The following RPS6KA2 variants were observed in gnomAD, a reference collection of about 807,000 sequenced individuals.
RPS6KA2 encodes the protein ribosomal protein S6 kinase alpha-2.
In RPS6KA2, 42 loss-of-function variants were observed where a neutral mutation model predicts 91.8. The observed-to-expected ratio is 0.46, with a 90% confidence interval of 0.36 to 0.59. The LOEUF (loss-of-function observed/expected upper bound fraction) is 0.59. RPS6KA2 is among the 20% of genes least tolerant of loss of function. RPS6KA2 has a pLI of 0.00. For synonymous variants in RPS6KA2, 414 were observed against 393.6 expected, an observed-to-expected ratio of 1.05 and a Z score of -0.61; for missense variants, 798 against 978.5, an observed-to-expected ratio of 0.82 and a Z score of 2.46.
At chr6:166,457,152 C>T (rs1043082127) in intron 12 of RPS6KA2, among the ~76,000 whole-genome samples, 7 of 152,204 alleles carry the variant, frequency 4.6e-5, no homozygotes, top group Admixed American at 6.5e-5. Context: ...GATGTGTGCA[C>T]GTTCTGTTAG....
chr6:166,661,856 G>A (rs1247348837), intron 2 of RPS6KA2, among the ~76,000 whole-genome samples: 1 of 152,120 alleles, frequency 6.6e-6, no homozygotes, highest in African/African-American at 2.4e-5. Context: ...CCATCTGGAA[G>A]TTGTTTTCGA....
chr6:166,759,634 T>C (rs755695951), intron 2 of RPS6KA2, among the ~76,000 whole-genome samples: 5 of 152,264 alleles, frequency 3.3e-5, no homozygotes, highest in Non-Finnish European at 7.3e-5. Flanking sequence ...CCCAGTTCTA[T>C]TTCTTTTCTC....
intron 1 of RPS6KA2, among the ~76,000 whole-genome samples, chr6:166,566,346 AG>A (rs766621343): frequency 6.6e-6 from 1 of 152,228 alleles, no homozygotes; most frequent in Non-Finnish European, 1.5e-5. Flanking sequence ...TCACAGGCGT[AG>A]GCAGTGTATC....
At chr6:166,649,871 A>G (rs1178373922) in intron 2 of RPS6KA2, among the ~76,000 whole-genome samples, 1 of 152,216 alleles carries the variant, frequency 6.6e-6, no homozygotes, top group Non-Finnish European at 1.5e-5. Flanking sequence ...TCTTTCTGCG[A>G]ACTTTCATTA....
chr6:166,539,889 A>G (rs1187644743), intron 1 of RPS6KA2, among the ~76,000 whole-genome samples: 1 of 152,214 alleles, frequency 6.6e-6, no homozygotes, highest in African/African-American at 2.4e-5. Context: ...ATACATTCGT[A>G]CACCCCTTTC....
chr6:166,489,800 C>T (rs947895852), intron 9 of RPS6KA2, among the ~76,000 whole-genome samples: 2 of 151,992 alleles, frequency 1.3e-5, no homozygotes, highest in African/African-American at 4.8e-5. Flanking sequence ...ACATAAGGAC[C>T]GAGCTTACAA....
At chr6:166,487,660 C>G (rs112534807) in intron 10 of RPS6KA2, among the ~76,000 whole-genome samples, 9 of 152,188 alleles carry the variant, frequency 5.9e-5, no homozygotes, top group African/African-American at 1.7e-4. Context: ...TGATAAAAAT[C>G]TGGATTAGAA....
At chr6:166,536,729 G>C (rs1783492354) in intron 2 of RPS6KA2, among the ~76,000 whole-genome samples, 1 of 152,084 alleles carries the variant, frequency 6.6e-6, no homozygotes, top group East Asian at 1.9e-4. Flanking sequence ...GTAATCCCTG[G>C]AGGTCAGACA....
chr6:166,650,941 T>G (rs1370859379), intron 2 of RPS6KA2, among the ~76,000 whole-genome samples: 5 of 152,168 alleles, frequency 3.3e-5, no homozygotes, highest in Non-Finnish European at 5.9e-5. Context: ...AATAGATCAC[T>G]TTTTAAAATT....
chr6:166,487,409 C>T (rs758442626), intron 10 of RPS6KA2, among the ~76,000 whole-genome samples: 1 of 152,138 alleles, frequency 6.6e-6, no homozygotes, highest in Non-Finnish European at 1.5e-5. Flanking sequence ...TAGCCACGCT[C>T]GGCATGCAGA....
intron 1 of RPS6KA2, among the ~76,000 whole-genome samples, chr6:166,617,449 G>C (rs1196259948): frequency 6.6e-6 from 1 of 152,158 alleles, no homozygotes; most frequent in Non-Finnish European, 1.5e-5. Context: ...TGTGAGCCTA[G>C]ATTAGACATT....
chr6:166,686,610 T>C (rs6906202), intron 2 of RPS6KA2, among the ~76,000 whole-genome samples: 53,534 of 152,056 alleles, frequency 0.35, 11,205 homozygotes, highest in African/African-American at 0.59. Context: ...CCCCGAATTC[T>C]CCACCCCTCA....
At position 166,508,109 on chromosome 6, in the gene RPS6KA2, G is replaced by A. The variant is rs752186144; in HGVS notation, c.459+94C>T. 3.3e-5 allele frequency: 25 copies of A among 763,356 alleles called. No homozygotes were observed. Among genetic ancestry groups the A allele is most frequent in the Non-Finnish European group, 5.2e-5 (23 of 440,902 alleles). The allele number at this position is 763,356 out of a possible 1,614,324, so 47.3% of individuals were successfully genotyped here. On this transcript the variant is annotated intron_variant, in intron 5 of 20. Coordinates refer to ENST00000265678, the MANE Select transcript of RPS6KA2 (RefSeq NM_021135.6). This position sits in a 1 kb window ranked among gnomAD's most constrained non-coding sequence, Gnocchi z 4.3. ...CACACACACACGCACTCTCGCACGT[G>A]CTCACGTCCTCTCAATGCTCTCCAC...
intron 1 of RPS6KA2, among the ~76,000 whole-genome samples, chr6:166,580,322 C>T (rs1784965232): frequency 6.6e-6 from 1 of 152,234 alleles, no homozygotes; most frequent in Non-Finnish European, 1.5e-5. Flanking sequence ...TGTGCCAACA[C>T]ACCCTGACTT....
intron 10 of RPS6KA2, among the ~76,000 whole-genome samples, chr6:166,488,089 T>A (rs1295954439): frequency 2.0e-5 from 3 of 151,250 alleles, no homozygotes; most frequent in East Asian, 3.9e-4. Context: ...GGTTAGAGTT[T>A]AAAAAAAAAC....
At chr6:166,478,959 AG>A (rs951642598) in intron 10 of RPS6KA2, among the ~76,000 whole-genome samples, 1 of 152,196 alleles carries the variant, frequency 6.6e-6, no homozygotes, top group African/African-American at 2.4e-5. Context: ...ACGGCCAGGA[AG>A]GGGTGCGTGG....
In RPS6KA2 at chr6:166,852,675, C is replaced by T. The variant is rs1226304325; in HGVS notation, c.123+5525G>A. On this transcript the variant is annotated intron_variant, in intron 2 of 21. Transcript: ENST00000503859. The surrounding 1 kb of genome is among the most constrained non-coding windows in gnomAD (Gnocchi z 4.1). Reference sequence around the variant, plus strand: ...GGTCCAAGCAGCAACGGCTCGGCAACTCCGGGAGCTGGGCATTGGAGGAGG... The same window carrying T: ...GGTCCAAGCAGCAACGGCTCGGCAATTCCGGGAGCTGGGCATTGGAGGAGG... Among the ~76,000 whole-genome samples, 1 of 152,080 alleles carries T rather than the reference C, an allele frequency of 6.6e-6. No homozygotes were observed. Among genetic ancestry groups the T allele is most frequent in the East Asian group, 1.9e-4 (1 of 5,162 alleles).
intron 2 of RPS6KA2, among the ~76,000 whole-genome samples, chr6:166,854,209 A>G (rs997561278): frequency 6.6e-6 from 1 of 152,212 alleles, no homozygotes. Context: ...ATAAAGGTGT[A>G]TTGCAGTAAC....
chr6:166,784,450 GCAGAACCA>G (rs1778871465), intron 2 of RPS6KA2, among the ~76,000 whole-genome samples: 1 of 2,812 alleles, frequency 3.6e-4, no homozygotes, highest in Non-Finnish European at 6.4e-4. Context: ...GCACACCTAT[GCAGAACCA>G]CATATGCACA....
Sources: gnomAD v4.1 joint callset for allele counts (sites outside exome capture counted in the v4.1 genomes callset) on GRCh38, gnomAD v4.1.1 for gene constraint, Gnocchi (gnomAD v3.1) non-coding constraint, MANE v1.5 for transcripts, NCBI Gene and HGNC (gene_info 2026-07-23, HGNC 2026-07-21) for gene names.